CIB2: variants seen among roughly 807,000 people sequenced by gnomAD.
CIB2 encodes calcium and integrin binding family member 2, also known as calcium and integrin-binding family member 2.
CIB2 carries 19 observed loss-of-function variants against 23.1 expected under a neutral mutation model. That is an observed-to-expected ratio of 0.82 (90% CI 0.57 to 1.21). The LOEUF is 1.21. CIB2 is among the 50% of genes most tolerant of loss of function. CIB2 has a pLI of 0.00. For missense variants in CIB2, 220 were observed against 241.5 expected (o/e 0.91, Z 0.59); for synonymous variants, 94 against 91.7 (o/e 1.03, Z -0.14).
At chr15:78,115,991 G>A (rs533977746) in intron 2 of CIB2, among the ~76,000 whole-genome samples, 278 of 150,034 alleles carry the variant, frequency 1.9e-3, no homozygotes, top group Non-Finnish European at 3.4e-3. Flanking sequence ...ACTGAAGACA[G>A]AAAATATTTG....
At chr15:78,122,738 C>A (rs899633021) in intron 2 of CIB2, among the ~76,000 whole-genome samples, 4 of 152,224 alleles carry the variant, frequency 2.6e-5, no homozygotes, top group Non-Finnish European at 5.9e-5. Context: ...GAGGCTTTGC[C>A]CCTTGCTCAG....
chr15:78,130,777 C>T (rs1321421641), intron 1 of CIB2, among the ~76,000 whole-genome samples: 1 of 152,178 alleles, frequency 6.6e-6, no homozygotes, highest in African/African-American at 2.4e-5. Context: ...GAGACTCGCT[C>T]TCCTGGGCTC....
intron 2 of CIB2, among the ~76,000 whole-genome samples, chr15:78,120,272 A>G (rs2074300132): frequency 6.6e-6 from 1 of 152,194 alleles, no homozygotes; most frequent in African/African-American, 2.4e-5. Flanking sequence ...AAAGATTAAC[A>G]GCCTTATTTC....
chr15:78,114,129 GC>G (rs748730926), intron 2 of CIB2, among the ~76,000 whole-genome samples: 4 of 152,168 alleles, frequency 2.6e-5, no homozygotes, highest in Non-Finnish European at 5.9e-5. Flanking sequence ...AAAACCACTG[GC>G]CTTCAACTGG....
chr15:78,111,237 GA>G lies in CIB2; in HGVS notation c.125del (p.Val42AlafsTer15). The part of the protein sequence containing the change: ...SRFYELAPNL[V>X]PMDYRKSPIV... ...TGGGGCTCTTCCTGTAGTCCATTGG[GA>G]CGAGGTTGGGGGCCAGCTCATAGAA... On this transcript the variant is annotated frameshift_variant, in exon 3 of 6. Coordinates refer to ENST00000258930, the MANE Select transcript of CIB2 (RefSeq NM_006383.4). LOFTEE classifies it high-confidence loss of function. 1 of 1,614,198 alleles carries G rather than the reference GA, an allele frequency of 6.2e-7. No individual in the cohort carries two copies. The highest frequency in any genetic ancestry group is 2.2e-5 in the East Asian group (1 of 44,884).
rs911393401 is a variant in CIB2, at chr15:78,128,094, G to A, written c.51+3071C>T. ...GGCCATACAAGAAGGAAGCTGGAGT[G>A]TAAACAGTGAGGTGCCCAGTATAAA... is the stretch of plus-strand genomic sequence containing the variant. On this transcript the variant is annotated intron_variant, in intron 1 of 5. Coordinates refer to ENST00000258930, the MANE Select transcript of CIB2 (RefSeq NM_006383.4). Among the ~76,000 whole-genome samples, 16 of 152,364 alleles carry A rather than the reference G, an allele frequency of 1.1e-4. No homozygotes were observed. In the South Asian group the frequency reaches 2.1e-3, roughly 20 times the overall value.
chr15:78,121,135 T>C (rs1190114106), intron 2 of CIB2, among the ~76,000 whole-genome samples: 1 of 152,178 alleles, frequency 6.6e-6, no homozygotes, highest in African/African-American at 2.4e-5. Context: ...CGAATCTGTC[T>C]TGTCTTAACT....
chr15:78,108,095 T>A (rs2074097755), intron 4 of CIB2, among the ~76,000 whole-genome samples: 1 of 150,530 alleles, frequency 6.6e-6, no homozygotes, highest in Non-Finnish European at 1.5e-5. Context: ...TCGTTTGAAC[T>A]TGGGAGGCTG....
At chr15:78,119,923 CAG>C (rs1184271777) in intron 2 of CIB2, among the ~76,000 whole-genome samples, 1 of 147,750 alleles carries the variant, frequency 6.8e-6, no homozygotes, top group Non-Finnish European at 1.5e-5. Flanking sequence ...TTTTTTGAGT[CAG>C]AGTCTTGCTC....
intron 1 of CIB2, among the ~76,000 whole-genome samples, chr15:78,125,642 A>G (rs570199184): frequency 6.6e-6 from 1 of 152,320 alleles, no homozygotes; most frequent in Admixed American, 6.5e-5. Flanking sequence ...GTAGATTCTT[A>G]GGCTCCACTC....
At chr15:78,109,193 C>CA in intron 4 of CIB2, 42 bp downstream of exon 4, 5 of 1,063,388 alleles carry the variant, frequency 4.7e-6, no homozygotes, top group African/African-American at 5.4e-5. Flanking sequence ...CCCACATGTT[C>CA]CCCCACCGCA....
intron 2 of CIB2, 64 bp from the exon 3 acceptor site, chr15:78,111,340 G>T: frequency 7.3e-7 from 1 of 1,362,378 alleles, no homozygotes; most frequent in Non-Finnish European, 1.0e-6. Context: ...GCAGCCCGGT[G>T]CTGTCCTGCC....
Position 78,131,192 on chromosome 15 carries a change from G to T in CIB2, c.24C>A (p.Phe8Leu). 1 of 1,589,850 alleles carries T rather than the reference G, an allele frequency of 6.3e-7. No individual in the cohort carries two copies. ...GGTAGTTGTCTAGCTGCTCTTCGGTGAAGATGGTCTGCTTGTTCCCCATGG... is the reference window on the plus strand; with the variant it reads ...GGTAGTTGTCTAGCTGCTCTTCGGTTAAGATGGTCTGCTTGTTCCCCATGG... MGNKQTI[F>L]TEEQLDNYQD... The change falls in exon 1 of 6, where the codon TTC (phenylalanine) becomes TTA (leucine). Residue 8 changes from phenylalanine to leucine, a missense_variant. Transcript: ENST00000258930. This position sits in a 1 kb window ranked among gnomAD's most constrained non-coding sequence, Gnocchi z 5.8.
intron 1 of CIB2, 56 bp from the exon 2 acceptor site, chr15:78,123,795 C>T: frequency 1.3e-6 from 2 of 1,598,734 alleles, no homozygotes; most frequent in Non-Finnish European, 1.7e-6. Context: ...GACTTTCTTC[C>T]TCAGAGGCCT....
At chr15:78,106,589 G>C (rs1466199086) in intron 4 of CIB2, among the ~76,000 whole-genome samples, 2 of 152,198 alleles carry the variant, frequency 1.3e-5, no homozygotes, top group Non-Finnish European at 2.9e-5. Context: ...AAATGGTTCA[G>C]AGGACCGAGC....
At chr15:78,126,948 G>T (rs1209860814) in intron 1 of CIB2, among the ~76,000 whole-genome samples, 2 of 152,124 alleles carry the variant, frequency 1.3e-5, no homozygotes, top group Non-Finnish European at 2.9e-5. Context: ...GTGTGGCAGG[G>T]GAAAAGGTTT....
intron 3 of CIB2, chr15:78,110,748 A>ATTAAAT (rs1415975584): frequency 2.2e-6 from 1 of 456,778 alleles, no homozygotes; most frequent in South Asian, 1.5e-5. Flanking sequence ...GGAGTTTAAA[A>ATTAAAT]TTAAATTTTA....
intron 1 of CIB2, among the ~76,000 whole-genome samples, chr15:78,127,576 T>TCTTTCTCCAGGTTGTCCAAACC (rs2074398171): frequency 6.6e-6 from 1 of 152,162 alleles, no homozygotes; most frequent in South Asian, 2.1e-4. Flanking sequence ...TGCCCTCTCC[T>TCTTTCTCCAGGTTGTCCAAACC]CTTTCTCCAG....
intron 2 of CIB2, 33 bp from the exon 3 acceptor site, chr15:78,111,309 G>T: frequency 6.4e-7 from 1 of 1,569,422 alleles, no homozygotes; most frequent in Non-Finnish European, 8.7e-7. Context: ...GCGCTGGAGG[G>T]GGTGCCATCC....
Sources: allele counts gnomAD v4.1 joint callset (sites outside exome capture counted in the v4.1 genomes callset), GRCh38; gene constraint gnomAD v4.1.1; non-coding constraint Gnocchi (gnomAD v3.1); transcripts MANE v1.5; gene names NCBI Gene and HGNC (gene_info 2026-07-23, HGNC 2026-07-21).